Variants in THSD7A observed in about 807,000 individuals in gnomAD.
THSD7A encodes the protein thrombospondin type 1 domain containing 7A.
Under a neutral mutation model 231.3 loss-of-function variants are expected in THSD7A, and 96 were observed. The observed-to-expected ratio is 0.41, with a 90% CI of 0.35 to 0.49. The LOEUF (loss-of-function observed/expected upper bound fraction) is 0.49. THSD7A is among the 20% of genes least tolerant of loss of function. THSD7A has a pLI of 0.05. For missense variants in THSD7A, 2,290 were observed against 2,070.2 expected, an observed-to-expected ratio of 1.11 and a Z score of -2.06; for synonymous variants, 940 against 743.3, an observed-to-expected ratio of 1.26 and a Z score of -4.30.
intron 1 of THSD7A, among the ~76,000 whole-genome samples, chr7:11,791,912 G>T (rs1418266544): frequency 6.6e-6 from 1 of 151,674 alleles, no homozygotes; most frequent in African/African-American, 2.4e-5. Flanking sequence ...CTATCCACAG[G>T]GGCTTTTTTA....
At chr7:11,809,611 AACTATGGTAAATATTTCAGT>A (rs1784478292) in intron 1 of THSD7A, among the ~76,000 whole-genome samples, 1 of 152,312 alleles carries the variant, frequency 6.6e-6, no homozygotes, top group Non-Finnish European at 1.5e-5. Flanking sequence ...AATAAGAATT[AACTATGGTAAATATTTCAGT>A]AAGCATTATT....
intron 5 of THSD7A, 128 bp downstream of exon 5, chr7:11,542,834 G>T: frequency 9.7e-7 from 1 of 1,034,450 alleles, no homozygotes; most frequent in Non-Finnish European, 1.4e-6. Context: ...TTCATCTTTT[G>T]AAATTAATAG....
In THSD7A at chr7:11,474,399, A is replaced by G; in HGVS notation, c.2187T>C (p.Ser729=). 2.5e-6 allele frequency: 4 copies of G among 1,613,636 alleles called. No homozygotes were observed. Among genetic ancestry groups the G allele is most frequent in the Non-Finnish European group, 3.4e-6 (4 of 1,179,596 alleles). The stretch of plus-strand genomic sequence containing the variant: ...TGACTTTTCTTGTCTGCATGCCGAC[A>G]GAGCAGGAGGCCTCCCCATTCCAAG... ...TTTWNGEASC[S]VGMQTRKVIC... The change falls in exon 8 of 28, where the codon TCT becomes TCC. Residue 729 remains serine, a synonymous_variant. Transcript: ENST00000423059. The surrounding 1 kb of genome is among the most constrained non-coding windows in gnomAD (Gnocchi z 4.1).
Position 11,663,265 on chromosome 7 carries a change from A to G in THSD7A, c.191-26304T>C, listed in dbSNP as rs1783001339. 2.6e-5 allele frequency among the ~76,000 whole-genome samples: 4 copies of G among 151,448 alleles called. No homozygotes were observed. The South Asian group carries it at 8.3e-4, about 31-fold the overall frequency. On this transcript the variant is annotated intron_variant, in intron 1 of 27. Coordinates refer to ENST00000423059, the MANE Select transcript of THSD7A (RefSeq NM_015204.3). ...ATCTTATGCCACATAAGTTTGAAAA[A>G]TAAATGAAATAAATTCCTAGACAAA...
chr7:11,728,154 G>T (rs1325910848), intron 1 of THSD7A, among the ~76,000 whole-genome samples: 1 of 151,894 alleles, frequency 6.6e-6, no homozygotes, highest in Non-Finnish European at 1.5e-5. Flanking sequence ...TGTTTCATGT[G>T]CACATCAATT....
intron 1 of THSD7A, among the ~76,000 whole-genome samples, chr7:11,780,015 C>A (rs530587456): frequency 2.0e-5 from 3 of 152,172 alleles, no homozygotes; most frequent in Admixed American, 2.0e-4. Context: ...ACAGCCAACA[C>A]TTGTTTTTCA....
chr7:11,440,015 A>C (rs2128292924), intron 13 of THSD7A, among the ~76,000 whole-genome samples: 1 of 152,084 alleles, frequency 6.6e-6, no homozygotes, highest in East Asian at 1.9e-4. Flanking sequence ...CAAGGGACAG[A>C]TTGACTCTTT....
intron 1 of THSD7A, among the ~76,000 whole-genome samples, chr7:11,708,964 T>C (rs1351202357): frequency 1.3e-5 from 2 of 149,922 alleles, no homozygotes; most frequent in African/African-American, 4.9e-5. Context: ...GCCACAGGAG[T>C]GGTTTAGAAA....
At chr7:11,567,991 G>A (rs924898810) in intron 4 of THSD7A, among the ~76,000 whole-genome samples, 8 of 151,938 alleles carry the variant, frequency 5.3e-5, no homozygotes, top group African/African-American at 1.9e-4. Flanking sequence ...TCTAATCTCA[G>A]CACTATGCTT....
chr7:11,684,041 A>C (rs918730616), intron 1 of THSD7A, among the ~76,000 whole-genome samples: 15 of 151,976 alleles, frequency 9.9e-5, no homozygotes, highest in African/African-American at 3.4e-4. Context: ...AGCACAATCA[A>C]GTGGGTTTAT....
rs148613886 is a variant in THSD7A at position 11,592,390 on chromosome 7, C to T, written c.1271+864G>A. On this transcript the variant is annotated intron_variant, in intron 3 of 27. Coordinates refer to ENST00000423059, the MANE Select transcript of THSD7A (RefSeq NM_015204.3). ...ATCCAGAGATGCTCTCAATGAAGTTCACACATCTCTATTGAAAAACTAATA... is the reference window on the plus strand; with the variant it reads ...ATCCAGAGATGCTCTCAATGAAGTTTACACATCTCTATTGAAAAACTAATA... Among the ~76,000 whole-genome samples the T allele has an allele frequency of 2.9e-3, 442 of 152,248 alleles. 2 individuals carry two copies. The highest frequency in any genetic ancestry group is 1.0e-2 in the African/African-American group (415 of 41,538).
At chr7:11,501,231 A>G (rs1787324941) in intron 6 of THSD7A, among the ~76,000 whole-genome samples, 1 of 152,222 alleles carries the variant, frequency 6.6e-6, no homozygotes. Flanking sequence ...TTGAGGCAGA[A>G]TATCAATAAA....
chr7:11,498,565 G>C (rs1371659521), intron 6 of THSD7A, among the ~76,000 whole-genome samples: 2 of 152,152 alleles, frequency 1.3e-5, no homozygotes, highest in African/African-American at 4.8e-5. Context: ...TTGGCTATCT[G>C]AAGTGACCGG....
At chr7:11,767,485 C>T (rs1326408716) in intron 1 of THSD7A, among the ~76,000 whole-genome samples, 1 of 152,172 alleles carries the variant, frequency 6.6e-6, no homozygotes, top group Non-Finnish European at 1.5e-5. Context: ...TACTTAAATA[C>T]ACATTAACGA....
chr7:11,417,363 T>G, intron 17 of THSD7A, 87 bp downstream of exon 17: 1 of 1,273,894 alleles, frequency 7.8e-7, no homozygotes, highest in Non-Finnish European at 1.1e-6. Flanking sequence ...ACATTGAAGT[T>G]ATTATATTCA....
chr7:11,716,033 C>T (rs1366552240), intron 1 of THSD7A, among the ~76,000 whole-genome samples: 1 of 151,488 alleles, frequency 6.6e-6, no homozygotes, highest in Non-Finnish European at 1.5e-5. Flanking sequence ...GACTTGATAA[C>T]GATGTCAGTG....
At chr7:11,742,877 T>C (rs937144176) in intron 1 of THSD7A, among the ~76,000 whole-genome samples, 2 of 151,928 alleles carry the variant, frequency 1.3e-5, no homozygotes, top group Non-Finnish European at 2.9e-5. Flanking sequence ...TTTTGTGGCA[T>C]TATGGTTCTG....
chr7:11,519,210 C>T (rs1379687297), intron 6 of THSD7A, among the ~76,000 whole-genome samples: 1 of 152,096 alleles, frequency 6.6e-6, no homozygotes, highest in Non-Finnish European at 1.5e-5. Flanking sequence ...CCTGGGTAAT[C>T]GCTTTGCAGA....
At chr7:11,572,000 T>A (rs1295993330) in intron 4 of THSD7A, among the ~76,000 whole-genome samples, 1 of 152,214 alleles carries the variant, frequency 6.6e-6, no homozygotes, top group African/African-American at 2.4e-5. Flanking sequence ...ATGTTTTCTG[T>A]CAGATCATTC....
Sources: gnomAD v4.1 joint callset for allele counts (sites outside exome capture counted in the v4.1 genomes callset) on GRCh38, gnomAD v4.1.1 for gene constraint, Gnocchi (gnomAD v3.1) non-coding constraint, MANE v1.5 for transcripts, NCBI Gene and HGNC (gene_info 2026-07-23, HGNC 2026-07-21) for gene names.